Variants in ADAMTS8 observed in about 807,000 individuals in gnomAD.
The protein encoded by ADAMTS8 is ADAM metallopeptidase with thrombospondin type 1 motif 8.
ADAMTS8 carries 50 observed loss-of-function variants against 64.4 expected under a neutral mutation model. That is an observed-to-expected ratio of 0.78 (90% CI 0.62 to 0.98). ADAMTS8 has a LOEUF of 0.98. Ranked by LOEUF, ADAMTS8 falls within the 50% of genes least tolerant of loss-of-function variation. The pLI is 0.00. For missense variants in ADAMTS8, 1,192 were observed against 1,208.2 expected (o/e 0.99, Z 0.20); for synonymous variants, 556 against 533.6 (o/e 1.04, Z -0.58).
chr11:130,410,997 A>G (rs980575549), intron 6 of ADAMTS8, among the ~76,000 whole-genome samples: 4 of 152,140 alleles, frequency 2.6e-5, no homozygotes, highest in African/African-American at 9.7e-5. Flanking sequence ...CTTGCTTTGG[A>G]AAATGCTTCC....
chr11:130,417,508 C>T (rs558235162), intron 2 of ADAMTS8, among the ~76,000 whole-genome samples: 100 of 152,238 alleles, frequency 6.6e-4, no homozygotes, highest in African/African-American at 2.3e-3. Context: ...CCGGCTCCTT[C>T]GGCCTCCCAA....
Position 130,405,729 on chromosome 11 carries a change from G to A in ADAMTS8, c.2499C>T (p.His833=), listed in dbSNP as rs369686049. Residue 833 remains histidine (H), a synonymous_variant, in exon 9 of 9, where the codon CAC becomes CAT. Coordinates refer to ENST00000257359, the MANE Select transcript of ADAMTS8 (RefSeq NM_007037.6). The part of the protein sequence containing the change: ...ATTNIIQPLL[H]AQWVLGDWSE... ...ACCAGTCCCCCAGCACCCACTGTGC[G>A]TGGAGCAGCGGCTGGATGATGTTGG... 49 of 1,614,080 alleles carry A rather than the reference G, an allele frequency of 3.0e-5. No individual in the cohort carries two copies. Among genetic ancestry groups the A allele is most frequent in the Non-Finnish European group, 3.9e-5 (46 of 1,180,040 alleles).
chr11:130,405,936 C>T lies in ADAMTS8; in HGVS notation c.2292G>A (p.Leu764=). Residue 764 remains leucine (L), a synonymous_variant, in exon 9 of 9, where the codon CTG becomes CTA. Coordinates refer to ENST00000257359, the MANE Select transcript of ADAMTS8 (RefSeq NM_007037.6). ...EQDILVKGTI[L]KYSGSIATLE... ...GGGTGGCGATGGAGCCGCTGTACTT[C>T]AGGATGGTCCCCTTCACCAAGATGT... The T allele has an allele frequency of 6.2e-7, 1 of 1,614,222 alleles. No individual in the cohort carries two copies. The highest frequency in any genetic ancestry group is 8.5e-7 in the Non-Finnish European group (1 of 1,180,022).
chr11:130,405,853 G>A lies in ADAMTS8; in HGVS notation c.2375C>T (p.Thr792Ile). 6.2e-7 allele frequency: 1 copy of A among 1,614,024 alleles called. No homozygotes were observed. The highest frequency in any genetic ancestry group is 8.5e-7 in the Non-Finnish European group (1 of 1,180,060). The change falls in exon 9 of 9, where the codon ACA becomes ATA. Residue 792 changes from threonine (T) to isoleucine (I), a missense_variant. By Grantham distance (89) the Thr-to-Ile change is moderately conservative. Transcript: ENST00000257359. ...TGGGGGGAAGACCTCGCCAGGGACT[G>A]TCAGGAGCTGCACTGTCAGAGGCTC... ...LPEPLTVQLL[T>I]VPGEVFPPKV...
At position 130,408,749 on chromosome 11, in the gene ADAMTS8, G is replaced by A. The variant is rs773108458; in HGVS notation, c.1923+19C>T. The stretch of plus-strand genomic sequence containing the variant: ...CCTTCCTCCCCATCTCTGGATCTGA[G>A]TCCCAGGGTGATTCTCACCTTGGCC... On this transcript the variant is annotated intron_variant, in intron 7 of 8. Transcript: ENST00000257359. The A allele has an allele frequency of 1.9e-6, 3 of 1,613,856 alleles. No individual in the cohort carries two copies. The highest frequency in any genetic ancestry group is 2.2e-5 in the South Asian group (2 of 90,984).
chr11:130,422,726 G>A (rs1178979729), intron 1 of ADAMTS8, among the ~76,000 whole-genome samples: 4 of 152,316 alleles, frequency 2.6e-5, no homozygotes, highest in South Asian at 2.1e-4. Context: ...ATACGCTGAC[G>A]CTGAACTACA....
At position 130,408,754 on chromosome 11, in the gene ADAMTS8, A is replaced by T. The variant is rs1465101735; in HGVS notation, c.1923+14T>A. Reference sequence around the variant, plus strand: ...CTCCCCATCTCTGGATCTGAGTCCCAGGGTGATTCTCACCTTGGCCTCGAA... The same window carrying T: ...CTCCCCATCTCTGGATCTGAGTCCCTGGGTGATTCTCACCTTGGCCTCGAA... On this transcript the variant is annotated intron_variant, in intron 7 of 8. Transcript: ENST00000257359. The T allele has an allele frequency of 6.2e-7, 1 of 1,613,946 alleles. No homozygotes were observed. Among genetic ancestry groups the T allele is most frequent in the Non-Finnish European group, 8.5e-7 (1 of 1,179,974 alleles).
At chr11:130,407,523 C>A (rs1861899451) in intron 8 of ADAMTS8, among the ~76,000 whole-genome samples, 1 of 152,092 alleles carries the variant, frequency 6.6e-6, no homozygotes, top group Non-Finnish European at 1.5e-5. Flanking sequence ...GGTTTGCGAG[C>A]TTCACTAGGT....
chr11:130,418,516 A>G (rs1462816646), intron 2 of ADAMTS8, among the ~76,000 whole-genome samples: 6 of 152,244 alleles, frequency 3.9e-5, no homozygotes, highest in African/African-American at 1.4e-4. Context: ...TCTGTGCCTC[A>G]GTTTTCTCTG....
chr11:130,414,597 C>T lies in ADAMTS8; in HGVS notation c.1500G>A (p.Pro500=), dbSNP rs375888176. ...CTGAGCAGAGGTGCCCAGGCCCGCA[C>T]GGCGTGCCGTCAGCCCAGGGCAGGC... ...NGSLPWADGT[P]CGPGHLCSEG... is the part of the protein sequence containing the mutation. Residue 500 remains proline (P), a synonymous_variant, in exon 5 of 9, where the codon CCG becomes CCA. Transcript: ENST00000257359. 8.9e-5 allele frequency: 144 copies of T among 1,613,268 alleles called. 1 individual carries two copies. The highest frequency in any genetic ancestry group is 6.3e-4 in the South Asian group (57 of 91,056).
intron 1 of ADAMTS8, among the ~76,000 whole-genome samples, chr11:130,422,411 G>A (rs548085099): frequency 6.6e-5 from 10 of 152,102 alleles, no homozygotes; most frequent in South Asian, 2.1e-4. Context: ...TGATGGGGAC[G>A]GGCCGGCCTC....
Position 130,427,752 on chromosome 11 carries a change from T to G in ADAMTS8, c.535A>C (p.Arg179=). 1 of 1,595,316 alleles carries G rather than the reference T, an allele frequency of 6.3e-7. No homozygotes were observed. The highest frequency in any genetic ancestry group is 8.5e-7 in the Non-Finnish European group (1 of 1,171,978). ...TCGCTGTCCTCCTGGTGGTCTCCTC[T>G]CTCCTGCCTCTGACCCTCTCCCGTC... The part of the protein sequence containing the change: ...VETGEGQRQE[R]GDHQEDSEEE... The change falls in exon 1 of 9, where the codon AGA becomes CGA. Residue 179 remains arginine (R), a synonymous_variant. Transcript: ENST00000257359.
intron 1 of ADAMTS8, among the ~76,000 whole-genome samples, chr11:130,425,485 G>A (rs545735948): frequency 6.6e-6 from 1 of 152,184 alleles, no homozygotes; most frequent in East Asian, 1.9e-4. Flanking sequence ...CTATGTTTTG[G>A]TTCTTAGGTA....
chr11:130,410,657 A>G (rs144543293), intron 6 of ADAMTS8, among the ~76,000 whole-genome samples: 4 of 152,308 alleles, frequency 2.6e-5, no homozygotes, highest in Non-Finnish European at 4.4e-5. Flanking sequence ...TTGCCTGCCA[A>G]TCCTTCCTGG....
rs778558807 is a variant in ADAMTS8, at chr11:130,406,067, G to A, written c.2161C>T (p.Arg721Trp). The stretch of plus-strand genomic sequence containing the variant: ...TCGTTCTGCACACCCGGGTGGCTCC[G>A]CTGCTTCACGTCAATATTAGTGGCA... ...AGATNIDVKQ[R>W]SHPGVQNDGN... Residue 721 changes from arginine to tryptophan, a missense_variant, in exon 9 of 9, where the codon CGG (arginine) becomes TGG (tryptophan). Around this residue, in one of 5 missense-constraint regions of ADAMTS8, gnomAD observed 290 missense variants for 297.8 expected, o/e 0.97. Transcript: ENST00000257359. The A allele has an allele frequency of 1.6e-5, 26 of 1,613,650 alleles. No individual in the cohort carries two copies. The highest frequency in any genetic ancestry group is 4.5e-5 in the East Asian group (2 of 44,878).
Position 130,408,481 on chromosome 11 carries a change from C to T in ADAMTS8, c.2082G>A (p.Gly694=), listed in dbSNP as rs1342470811. 1 of 1,613,714 alleles carries T rather than the reference C, an allele frequency of 6.2e-7. No individual in the cohort carries two copies. Among genetic ancestry groups the T allele is most frequent in the Non-Finnish European group, 8.5e-7 (1 of 1,180,016 alleles). The change falls in exon 8 of 9, where the codon GGG becomes GGA. Residue 694 remains glycine, a synonymous_variant. Transcript: ENST00000257359. ...AGACTCACTTGGTGGGGGTGAGGGA[C>T]CCGGAGACCTTCCTGCAGGAGTTGC... ...GKGNSCRKVS[G]SLTPTNYGYN... is the part of the protein sequence containing the mutation.
chr11:130,421,379 T>G (rs1862096715), intron 1 of ADAMTS8, among the ~76,000 whole-genome samples: 1 of 152,206 alleles, frequency 6.6e-6, no homozygotes, highest in African/African-American at 2.4e-5. Flanking sequence ...CCTCCTTCTC[T>G]ACAGCTCATA....
Position 130,411,848 on chromosome 11 carries a change from A to G in ADAMTS8, c.1567-248T>C. On this transcript the variant is annotated intron_variant, in intron 5 of 8. Coordinates refer to ENST00000257359, the MANE Select transcript of ADAMTS8 (RefSeq NM_007037.6). This position sits in a 1 kb window ranked among gnomAD's most constrained non-coding sequence, Gnocchi z 4.2. ...TCTAAAACAGTGCCTTATGCTTAGT[A>G]AGGTGCTCAATAGGCTATCTGCTGA... The G allele has an allele frequency of 1.9e-6, 1 of 514,772 alleles. No homozygotes were observed. The highest frequency in any genetic ancestry group is 3.4e-6 in the Non-Finnish European group (1 of 290,506). 31.9% of individuals were successfully genotyped at this position (514,772 alleles called of 1,614,324 possible).
Position 130,428,304 on chromosome 11 carries a change from C to G in ADAMTS8, c.-18G>C. On this transcript the variant is annotated 5_prime_UTR_variant, in exon 1 of 9. Transcript: ENST00000257359. The stretch of plus-strand genomic sequence containing the variant: ...GGGAGCATGGGGGCTGCGGCGGTGG[C>G]TGCGCGCAGGAGAGGGAAGAAGCCC... 1 of 1,242,842 alleles carries G rather than the reference C, an allele frequency of 8.0e-7. No individual in the cohort carries two copies. The highest frequency in any genetic ancestry group is 2.2e-5 in the South Asian group (1 of 46,224). 77.0% of individuals were successfully genotyped at this position (1,242,842 alleles called of 1,614,324 possible). A position where few individuals can be genotyped will look rare whatever the true frequency, so the allele number is the denominator to read the frequency against.
Sources: gnomAD v4.1 joint callset for allele counts (sites outside exome capture counted in the v4.1 genomes callset) on GRCh38, gnomAD v4.1.1 for gene constraint, gnomAD v4.1.1 regional missense constraint, Gnocchi (gnomAD v3.1) non-coding constraint, MANE v1.5 for transcripts, NCBI Gene and HGNC (gene_info 2026-07-23, HGNC 2026-07-21) for gene names.